Variants in WDR59 observed in about 807,000 individuals in gnomAD.
WDR59 encodes the protein WD repeat domain 59, also known as GATOR2 complex protein WDR59.
Under a neutral mutation model 131.2 loss-of-function variants are expected in WDR59, and 100 were observed. The ratio of observed to expected loss-of-function variants is 0.76; its 90% CI spans 0.65 to 0.90. The LOEUF (loss-of-function observed/expected upper bound fraction) is 0.90, where lower values mean the gene tolerates loss of function less well. WDR59 is among the 40% of genes least tolerant of loss of function. The probability of loss-of-function intolerance (pLI) is 0.00; values close to 1 mark genes in which losing one functional copy is unlikely to be tolerated. For synonymous variants in WDR59, 601 were observed against 466.2 expected (o/e 1.29, Z -3.72); for missense variants, 1,203 against 1,262.2 (o/e 0.95, Z 0.71).
intron 3 of WDR59, among the ~76,000 whole-genome samples, chr16:74,952,445 C>CAAAAAAAAAAAA (rs61448932): frequency 6.4e-4 from 40 of 62,654 alleles, no homozygotes; most frequent in African/African-American, 1.1e-3. Flanking sequence ...CCATCTCAAA[C>CAAAAAAAAAAAA]AAAAAAAAAA....
chr16:74,956,473 A>C lies in WDR59; in HGVS notation c.240+2T>G. On this transcript the variant is annotated splice_donor_variant, in intron 3 of 25. Coordinates refer to ENST00000262144, the MANE Select transcript of WDR59 (RefSeq NM_030581.4). LOFTEE classifies it high-confidence loss of function. Reference sequence around the variant, plus strand: ...TCTCCTGTATTCCTTAAATAAGCTCACCGAAGCCGCAAAATAGTGTGCAAA... The same window carrying C: ...TCTCCTGTATTCCTTAAATAAGCTCCCCGAAGCCGCAAAATAGTGTGCAAA... The C allele has an allele frequency of 6.2e-7, 1 of 1,613,016 alleles. No individual in the cohort carries two copies. The highest frequency in any genetic ancestry group is 8.5e-7 in the Non-Finnish European group (1 of 1,179,646).
At chr16:74,886,900 C>A (rs139901029) in intron 23 of WDR59, among the ~76,000 whole-genome samples, 1 of 151,704 alleles carries the variant, frequency 6.6e-6, no homozygotes, top group African/African-American at 2.4e-5. Context: ...TCCAGCCTGG[C>A]GACAGAGCAA....
chr16:74,908,978 C>G lies in WDR59; in HGVS notation c.1643-1G>C, dbSNP rs368813302. On this transcript the variant is annotated splice_acceptor_variant, in intron 16 of 25. Transcript: ENST00000262144. LOFTEE classifies it high-confidence loss of function. ...GGCCTTGTGAAATATACCAGGTAAC[C>G]TAAAGGAGGAGACATCACATGAGCC... The G allele has an allele frequency of 6.2e-7, 1 of 1,613,388 alleles. No individual in the cohort carries two copies. Among genetic ancestry groups the G allele is most frequent in the African/African-American group, 1.3e-5 (1 of 75,018 alleles).
intron 5 of WDR59, 29 bp from the exon 6 acceptor site, chr16:74,948,585 C>A (rs1597780483): frequency 6.3e-7 from 1 of 1,592,640 alleles, no homozygotes. Context: ...AAATCAAATC[C>A]CCAATTTATA....
intron 8 of WDR59, among the ~76,000 whole-genome samples, chr16:74,927,312 G>C (rs1400774562): frequency 1.3e-5 from 2 of 152,132 alleles, no homozygotes; most frequent in African/African-American, 4.8e-5. Flanking sequence ...GAAGAAGCCA[G>C]GCACGGTGGC....
chr16:74,939,070 G>GTT (rs2032024873), intron 7 of WDR59, among the ~76,000 whole-genome samples: 1 of 151,544 alleles, frequency 6.6e-6, no homozygotes, highest in South Asian at 2.1e-4. Context: ...GCTCATGCCT[G>GTT]TAATTCCAGC....
chr16:74,970,519 A>AAAAAAAAAAAAAAAAAAAAAAAC (rs2033940793), intron 1 of WDR59, among the ~76,000 whole-genome samples: 1 of 124,472 alleles, frequency 8.0e-6, no homozygotes, highest in Non-Finnish European at 1.7e-5. Flanking sequence ...AAAAAAAAAA[A>AAAAAAAAAAAAAAAAAAAAAAAC]AAAAAAAAGC....
chr16:74,908,784 A>G (rs1965938974), intron 17 of WDR59, 124 bp downstream of exon 17: 1 of 662,632 alleles, frequency 1.5e-6, no homozygotes, highest in East Asian at 2.8e-5. Context: ...AATAAATCTT[A>G]TAATGGGAGT....
intron 1 of WDR59, among the ~76,000 whole-genome samples, chr16:74,982,802 C>T (rs2034480480): frequency 6.6e-6 from 1 of 152,138 alleles, no homozygotes; most frequent in Non-Finnish European, 1.5e-5. Flanking sequence ...GGCTACTGAT[C>T]AGAGGGCACC....
At chr16:74,978,169 G>T (rs1385618139) in intron 1 of WDR59, among the ~76,000 whole-genome samples, 2 of 151,996 alleles carry the variant, frequency 1.3e-5, no homozygotes, top group Non-Finnish European at 2.9e-5. Context: ...GCCTGGCAAA[G>T]ATGGTTAGCC....
intron 8 of WDR59, among the ~76,000 whole-genome samples, chr16:74,925,876 T>G (rs557247893): frequency 6.6e-6 from 1 of 151,710 alleles, no homozygotes; most frequent in African/African-American, 2.4e-5. Context: ...ACCTAGCTGA[T>G]TGGGAGGCTG....
chr16:74,914,131 G>C (rs1321820371), intron 13 of WDR59, among the ~76,000 whole-genome samples: 2 of 152,258 alleles, frequency 1.3e-5, no homozygotes, highest in East Asian at 1.9e-4. Flanking sequence ...AGAATCGCGT[G>C]AACCCGAGAG....
Position 74,956,560 on chromosome 16 carries a change from C to T in WDR59, c.155G>A (p.Arg52Gln), listed in dbSNP as rs1279031069. Residue 52 changes from arginine to glutamine, a missense_variant, in exon 3 of 26, where the codon CGA (arginine) becomes CAA (glutamine). By Grantham distance (43) the Arg-to-Gln change is conservative. Transcript: ENST00000262144. ...VNLDAPFEGH[R>Q]KISRQSKWDI... ...CCATTTGCTCTGGCGAGAGATCTTT[C>T]GGTGACCTTCGAAAGGGGCATCTAG... 6 of 1,614,092 alleles carry T rather than the reference C, an allele frequency of 3.7e-6. No homozygotes were observed. The highest frequency in any genetic ancestry group is 5.1e-6 in the Non-Finnish European group (6 of 1,180,016).
chr16:74,967,228 G>T (rs1183137192), intron 1 of WDR59, among the ~76,000 whole-genome samples: 2 of 152,188 alleles, frequency 1.3e-5, no homozygotes, highest in African/African-American at 4.8e-5. Context: ...GCTGCAAAGT[G>T]ATTAACATGC....
At chr16:74,896,862 G>A (rs981019432) in intron 18 of WDR59, among the ~76,000 whole-genome samples, 14 of 152,038 alleles carry the variant, frequency 9.2e-5, no homozygotes, top group Admixed American at 5.9e-4. Context: ...CCTCACTTAC[G>A]ACAGCTCTGT....
chr16:74,981,174 G>A (rs2034388682), intron 1 of WDR59, among the ~76,000 whole-genome samples: 1 of 151,448 alleles, frequency 6.6e-6, no homozygotes, highest in Admixed American at 6.6e-5. Context: ...GACCATCCTG[G>A]CTAACACGGT....
intron 7 of WDR59, 62 bp from the exon 8 acceptor site, chr16:74,938,328 T>TA (rs1251942867): frequency 1.8e-5 from 21 of 1,190,988 alleles, no homozygotes; most frequent in Non-Finnish European, 2.4e-5. Context: ...GTCTATCACG[T>TA]AAAAGTCTGC....
chr16:74,883,329 C>T (rs992733943), intron 25 of WDR59, among the ~76,000 whole-genome samples: 2 of 151,994 alleles, frequency 1.3e-5, no homozygotes, highest in African/African-American at 2.4e-5. Context: ...GGCCACACCC[C>T]GGTTTTTAAT....
At chr16:74,886,095 T>C in intron 24 of WDR59, 175 bp downstream of exon 24, 4 of 837,210 alleles carry the variant, frequency 4.8e-6, no homozygotes, top group Non-Finnish European at 7.1e-6. Flanking sequence ...GGAGAATCAC[T>C]TGAGCCTGGG....
Sources: allele counts gnomAD v4.1 joint callset (sites outside exome capture counted in the v4.1 genomes callset), GRCh38; gene constraint gnomAD v4.1.1; transcripts MANE v1.5; gene names NCBI Gene and HGNC (gene_info 2026-07-23, HGNC 2026-07-21).